The following EXOC6B variants were observed in gnomAD, a reference collection of about 807,000 sequenced individuals.
EXOC6B encodes exocyst complex component 6B, also known as SEC15 homolog B.
In EXOC6B, 54 loss-of-function variants were observed where a neutral mutation model predicts 113.5. The observed-to-expected ratio is 0.48, with a 90% CI of 0.38 to 0.60. EXOC6B has a LOEUF of 0.60. EXOC6B is among the 20% of genes least tolerant of loss of function. The pLI, the probability that EXOC6B is intolerant of heterozygous loss-of-function variation, is 0.00. For synonymous variants in EXOC6B, 357 were observed against 339.0 expected, an observed-to-expected ratio of 1.05 and a Z score of -0.58; for missense variants, 797 against 977.5, an observed-to-expected ratio of 0.82 and a Z score of 2.46.
At chr2:72,688,498 C>A (rs1408741103) in intron 6 of EXOC6B, among the ~76,000 whole-genome samples, 1 of 151,756 alleles carries the variant, frequency 6.6e-6, no homozygotes, top group Admixed American at 6.6e-5. Flanking sequence ...ATTTATACAC[C>A]AGCTTCCATG....
chr2:72,355,603 T>C (rs1017473697), intron 19 of EXOC6B, among the ~76,000 whole-genome samples: 1 of 152,242 alleles, frequency 6.6e-6, no homozygotes, highest in African/African-American at 2.4e-5. Context: ...CTGCAAATTA[T>C]AGAAAACAAG....
chr2:72,379,938 A>C, intron 18 of EXOC6B, 68 bp from the exon 19 acceptor site: 2 of 1,412,798 alleles, frequency 1.4e-6, no homozygotes, highest in East Asian at 2.5e-5. Flanking sequence ...ATTTCAACAA[A>C]ACTTAAAATT....
At chr2:72,323,496 A>AAGG (rs1271034386) in intron 20 of EXOC6B, among the ~76,000 whole-genome samples, 1 of 152,188 alleles carries the variant, frequency 6.6e-6, no homozygotes. Context: ...TATGTACCCA[A>AAGG]AGGATTATAA....
At chr2:72,687,969 T>C (rs776914905) in intron 6 of EXOC6B, among the ~76,000 whole-genome samples, 16 of 151,490 alleles carry the variant, frequency 1.1e-4, no homozygotes, top group Non-Finnish European at 1.6e-4. Flanking sequence ...GCAAGAAAAA[T>C]TCTAGAAGCT....
chr2:72,466,472 ATT>A (rs1190882307), intron 17 of EXOC6B, among the ~76,000 whole-genome samples: 1 of 152,146 alleles, frequency 6.6e-6, no homozygotes, highest in African/African-American at 2.4e-5. Context: ...CTTAAATTCC[ATT>A]CTTTCCTCCA....
intron 19 of EXOC6B, among the ~76,000 whole-genome samples, chr2:72,370,494 C>A (rs1424015121): frequency 2.0e-5 from 3 of 152,140 alleles, no homozygotes; most frequent in Admixed American, 2.0e-4. Flanking sequence ...CCATTTGACC[C>A]AGCCATCCCA....
chr2:72,498,498 G>C lies in EXOC6B; in HGVS notation c.1293C>G (p.Asp431Glu), dbSNP rs1398190043. 6.2e-7 allele frequency: 1 copy of C among 1,611,468 alleles called. No individual in the cohort carries two copies. Among genetic ancestry groups the C allele is most frequent in the African/African-American group, 1.3e-5 (1 of 74,766 alleles). Residue 431 changes from aspartate to glutamate, a missense_variant, in exon 13 of 22, where the codon GAC (aspartate) becomes GAG (glutamate). Coordinates refer to ENST00000272427, the MANE Select transcript of EXOC6B (RefSeq NM_015189.3). Reference sequence around the variant, plus strand: ...TCTTTAGCAGAGTTTCACTATATTGGTCTCTGATTTCTAACAGCATGTCAA... The same window carrying C: ...TCTTTAGCAGAGTTTCACTATATTGCTCTCTGATTTCTAACAGCATGTCAA... ...QLFDMLLEIR[D>E]QYSETLLKKW... is the part of the protein sequence containing the mutation.
intron 20 of EXOC6B, among the ~76,000 whole-genome samples, chr2:72,307,962 G>A (rs1686984169): frequency 1.3e-5 from 2 of 152,068 alleles, no homozygotes; most frequent in South Asian, 4.2e-4. Flanking sequence ...ATATAAAATA[G>A]AAGAAATAAC....
chr2:72,407,036 A>T (rs1693824634), intron 18 of EXOC6B, among the ~76,000 whole-genome samples: 1 of 152,220 alleles, frequency 6.6e-6, no homozygotes, highest in Non-Finnish European at 1.5e-5. Context: ...AGGGGATATC[A>T]CCACCGATCC....
At chr2:72,238,029 T>C (rs1682072750) in intron 20 of EXOC6B, among the ~76,000 whole-genome samples, 1 of 152,196 alleles carries the variant, frequency 6.6e-6, no homozygotes, top group South Asian at 2.1e-4. Flanking sequence ...AACATTTTCA[T>C]CACTCCAGAA....
chr2:72,387,468 G>T (rs1426240938), intron 18 of EXOC6B, among the ~76,000 whole-genome samples: 1 of 152,060 alleles, frequency 6.6e-6, no homozygotes, highest in African/African-American at 2.4e-5. Flanking sequence ...TAGTTTCTTT[G>T]TGGGAGGGTT....
intron 20 of EXOC6B, among the ~76,000 whole-genome samples, chr2:72,323,137 G>GA (rs925531878): frequency 6.6e-6 from 1 of 151,790 alleles, no homozygotes; most frequent in African/African-American, 2.4e-5. Flanking sequence ...AAATTTACAA[G>GA]AAAAAAACAA....
chr2:72,336,902 G>T (rs567508499), intron 19 of EXOC6B, among the ~76,000 whole-genome samples: 1 of 151,916 alleles, frequency 6.6e-6, no homozygotes, highest in South Asian at 2.1e-4. Context: ...AGCTACTTGG[G>T]AGGCTGATAC....
intron 19 of EXOC6B, among the ~76,000 whole-genome samples, chr2:72,348,145 C>A (rs940003470): frequency 1.3e-5 from 2 of 152,092 alleles, no homozygotes; most frequent in Non-Finnish European, 2.9e-5. Context: ...TAGATAACAC[C>A]TGCTTATTGT....
intron 9 of EXOC6B, among the ~76,000 whole-genome samples, 169 bp downstream of exon 9, chr2:72,514,874 C>G (rs184260669): frequency 6.6e-6 from 1 of 151,706 alleles, no homozygotes; most frequent in Non-Finnish European, 1.5e-5. Flanking sequence ...GCCAGACACA[C>G]AGCAATCAAT....
intron 1 of EXOC6B, among the ~76,000 whole-genome samples, chr2:72,753,799 A>G (rs1682215801): frequency 6.6e-6 from 1 of 152,112 alleles, no homozygotes; most frequent in African/African-American, 2.4e-5. Flanking sequence ...TCTGCCTGCA[A>G]TGTCCTTACC....
intron 18 of EXOC6B, among the ~76,000 whole-genome samples, chr2:72,390,503 T>C (rs1231067377): frequency 6.6e-6 from 1 of 152,216 alleles, no homozygotes; most frequent in Admixed American, 6.5e-5. Flanking sequence ...TGAATGTTAC[T>C]GTTGAATATC....
At chr2:72,709,528 T>C (rs1167243654) in intron 6 of EXOC6B, among the ~76,000 whole-genome samples, 2 of 152,088 alleles carry the variant, frequency 1.3e-5, no homozygotes, top group Non-Finnish European at 2.9e-5. Context: ...ATTGTTCATA[T>C]CAAGAAGTAA....
At chr2:72,500,060 A>C in intron 11 of EXOC6B, 88 bp from the exon 12 acceptor site, 2 of 848,900 alleles carry the variant, frequency 2.4e-6, no homozygotes, top group South Asian at 3.3e-5. Flanking sequence ...TTAGCGCTTT[A>C]TCTGGCAAAT....
Sources: allele counts gnomAD v4.1 joint callset (sites outside exome capture counted in the v4.1 genomes callset), GRCh38; gene constraint gnomAD v4.1.1; transcripts MANE v1.5; gene names NCBI Gene and HGNC (gene_info 2026-07-23, HGNC 2026-07-21).